The following SOX5 variants were observed in gnomAD, a reference collection of about 807,000 sequenced individuals.
The protein encoded by SOX5 is transcription factor SOX-5.
SOX5 carries 9 observed loss-of-function variants against 92.0 expected under a neutral mutation model. That is an observed-to-expected ratio of 0.10 (90% CI 0.06 to 0.17). SOX5 has a LOEUF of 0.17. SOX5 is among the 10% of genes least tolerant of loss of function. The pLI is 1.00. For missense variants in SOX5, 642 were observed against 944.5 expected, an observed-to-expected ratio of 0.68 and a Z score of 4.20; for synonymous variants, 344 against 336.3, an observed-to-expected ratio of 1.02 and a Z score of -0.25.
intron 3 of SOX5, among the ~76,000 whole-genome samples, chr12:23,809,611 T>A (rs949104530): frequency 9.7e-6 from 1 of 102,606 alleles, no homozygotes; most frequent in Non-Finnish European, 2.1e-5. Flanking sequence ...TGAAACATAC[T>A]TTTTTATTAA....
intron 1 of SOX5, among the ~76,000 whole-genome samples, chr12:24,492,046 A>AT (rs1947143590): frequency 6.6e-6 from 1 of 151,940 alleles, no homozygotes; most frequent in Admixed American, 6.6e-5. Flanking sequence ...ACACACATAC[A>AT]TTCTCACCCA....
intron 3 of SOX5, among the ~76,000 whole-genome samples, chr12:23,834,124 G>C (rs760444228): frequency 9.9e-5 from 15 of 151,910 alleles, no homozygotes; most frequent in Non-Finnish European, 2.1e-4. Context: ...AGTTGTTTGA[G>C]GATCATTGAG....
intron 2 of SOX5, among the ~76,000 whole-genome samples, chr12:24,366,921 G>A (rs1357737792): frequency 6.6e-6 from 1 of 151,862 alleles, no homozygotes; most frequent in African/African-American, 2.4e-5. Flanking sequence ...AAAGCAAATG[G>A]GTAGAGGAAG....
At chr12:24,195,917 T>C (rs1956968944) in intron 4 of SOX5, among the ~76,000 whole-genome samples, 1 of 152,106 alleles carries the variant, frequency 6.6e-6, no homozygotes, top group Admixed American at 6.6e-5. Flanking sequence ...CAGGGTCTCA[T>C]TCTGTTGCCC....
chr12:23,970,544 T>TA (rs756088197), intron 4 of SOX5, among the ~76,000 whole-genome samples: 10 of 151,964 alleles, frequency 6.6e-5, no homozygotes, highest in Non-Finnish European at 1.0e-4. Context: ...AGTGTAGTCA[T>TA]AGAGTATTTT....
At chr12:23,630,328 C>G (rs1015113267) in intron 8 of SOX5, among the ~76,000 whole-genome samples, 11 of 151,950 alleles carry the variant, frequency 7.2e-5, no homozygotes, top group African/African-American at 2.4e-4. Context: ...AACTACCCTT[C>G]ATGTAACTGC....
intron 4 of SOX5, among the ~76,000 whole-genome samples, chr12:24,176,982 T>G (rs1288735620): frequency 2.1e-5 from 3 of 141,110 alleles, no homozygotes; most frequent in African/African-American, 4.9e-5. Flanking sequence ...TTTTTGTTTT[T>G]TTTTTTTTTT....
At chr12:23,636,502 T>A (rs1592800557) in intron 8 of SOX5, among the ~76,000 whole-genome samples, 1 of 152,284 alleles carries the variant, frequency 6.6e-6, no homozygotes, top group East Asian at 1.9e-4. Flanking sequence ...GTTTGAACAA[T>A]TATATGCAAA....
intron 3 of SOX5, among the ~76,000 whole-genome samples, chr12:23,834,722 C>T (rs1192862807): frequency 1.3e-5 from 2 of 151,790 alleles, no homozygotes; most frequent in East Asian, 3.9e-4. Flanking sequence ...AGGCAAATAA[C>T]AGTTCTTAAA....
At chr12:23,881,372 T>C (rs2096987876) in intron 2 of SOX5, among the ~76,000 whole-genome samples, 1 of 152,194 alleles carries the variant, frequency 6.6e-6, no homozygotes. Context: ...TCTTTCTCTT[T>C]GCTTCATCAT....
chr12:23,588,337 A>C (rs760772943), intron 9 of SOX5, among the ~76,000 whole-genome samples: 2 of 152,020 alleles, frequency 1.3e-5, no homozygotes, highest in Non-Finnish European at 2.9e-5. Context: ...TCACAGAATA[A>C]TGATTCTTAA....
chr12:24,304,911 G>A (rs533618868), intron 2 of SOX5, among the ~76,000 whole-genome samples: 1 of 151,914 alleles, frequency 6.6e-6, no homozygotes. Context: ...TTCCAATACC[G>A]CTGACTTACT....
chr12:23,990,732 C>T (rs772483109), intron 4 of SOX5, among the ~76,000 whole-genome samples: 1 of 152,102 alleles, frequency 6.6e-6, no homozygotes, highest in Non-Finnish European at 1.5e-5. Context: ...CTTGAGGGAA[C>T]AGACATTGTC....
chr12:23,883,744 T>TTGAC (rs1319466576), intron 2 of SOX5, among the ~76,000 whole-genome samples: 1 of 152,210 alleles, frequency 6.6e-6, no homozygotes, highest in Non-Finnish European at 1.5e-5. Context: ...AATGTGGTTT[T>TTGAC]TGACTTTACT....
At chr12:24,154,671 G>T (rs945040907) in intron 4 of SOX5, among the ~76,000 whole-genome samples, 1 of 152,016 alleles carries the variant, frequency 6.6e-6, no homozygotes, top group Admixed American at 6.6e-5. Context: ...AGTGAAAAGG[G>T]CAGGATATAA....
chr12:24,483,598 G>A (rs1319558687), intron 1 of SOX5, among the ~76,000 whole-genome samples: 2 of 152,098 alleles, frequency 1.3e-5, no homozygotes, highest in African/African-American at 4.8e-5. Context: ...GCAGCCTCTC[G>A]GTCTCTTAAC....
At chr12:24,000,018 C>T (rs1005696741) in intron 4 of SOX5, among the ~76,000 whole-genome samples, 3 of 151,570 alleles carry the variant, frequency 2.0e-5, no homozygotes, top group Admixed American at 6.6e-5. Flanking sequence ...AAGATAATTA[C>T]ATAAAATAAT....
At chr12:24,035,468 T>A (rs114453183) in intron 4 of SOX5, among the ~76,000 whole-genome samples, 60 of 152,188 alleles carry the variant, frequency 3.9e-4, no homozygotes, top group African/African-American at 1.3e-3. Context: ...TGTAACAATG[T>A]ATAAATCAAA....
At position 24,339,833 on chromosome 12, in the gene SOX5, A is replaced by G. The variant is rs140489434; in HGVS notation, c.-174+28730T>C. Among the ~76,000 whole-genome samples the G allele has an allele frequency of 6.8e-3, 1,030 of 152,338 alleles. 2 individuals are homozygous for G. Among genetic ancestry groups the G allele is most frequent in the Non-Finnish European group, 0.011 (767 of 68,038 alleles). ...GACAGTCATTTCCCCAGCTATAAGG[A>G]AAGTTGGTGCAGAGAGCTTACAATT... On this transcript the variant is annotated intron_variant, in intron 2 of 4. Coordinates refer to the SOX5 transcript ENST00000446891.
Sources: gnomAD v4.1 joint callset for allele counts (sites outside exome capture counted in the v4.1 genomes callset) on GRCh38, gnomAD v4.1.1 for gene constraint, MANE v1.5 for transcripts, NCBI Gene and HGNC (gene_info 2026-07-23, HGNC 2026-07-21) for gene names.